Variants in CAMTA1 observed in about 807,000 individuals in gnomAD.
CAMTA1 encodes calmodulin-binding transcription activator 1.
CAMTA1 carries 27 observed loss-of-function variants against 170.9 expected under a neutral mutation model. The ratio of observed to expected loss-of-function variants is 0.16; its 90% CI spans 0.12 to 0.22. The LOEUF (loss-of-function observed/expected upper bound fraction) is 0.22, where lower values mean the gene tolerates loss of function less well. Among genes scored for constraint, CAMTA1 ranks in the 10% least tolerant of loss-of-function variants. CAMTA1 has a pLI of 1.00. For synonymous variants in CAMTA1, 833 were observed against 891.5 expected, an observed-to-expected ratio of 0.93 and a Z score of 1.17; for missense variants, 1,619 against 2,217.2, an observed-to-expected ratio of 0.73 and a Z score of 5.42.
At chr1:7,472,878 T>A (rs1445499232) in intron 6 of CAMTA1, among the ~76,000 whole-genome samples, 1 of 152,150 alleles carries the variant, frequency 6.6e-6, no homozygotes, top group Non-Finnish European at 1.5e-5. Flanking sequence ...CAATGCCAGT[T>A]CACCATGGGG....
chr1:7,197,773 A>G (rs550723679), intron 4 of CAMTA1, among the ~76,000 whole-genome samples: 2 of 152,040 alleles, frequency 1.3e-5, no homozygotes, highest in Admixed American at 1.3e-4. Flanking sequence ...AAAGACTCCG[A>G]GAGGGTGGAA....
intron 4 of CAMTA1, among the ~76,000 whole-genome samples, chr1:7,236,943 T>C (rs893872559): frequency 1.3e-5 from 2 of 152,214 alleles, no homozygotes; most frequent in Non-Finnish European, 2.9e-5. Flanking sequence ...TCAGGAATAG[T>C]GTCCACTCTT....
At chr1:7,488,528 A>G (rs544532867) in intron 6 of CAMTA1, among the ~76,000 whole-genome samples, 8 of 152,164 alleles carry the variant, frequency 5.3e-5, no homozygotes, top group Admixed American at 1.3e-4. Context: ...TGTACACACA[A>G]TACACATGCA....
rs549475408 is a variant in CAMTA1, at chr1:7,665,261, C to T, written c.2652+62C>T. On this transcript the variant is annotated intron_variant, in intron 9 of 22. Coordinates refer to ENST00000303635, the MANE Select transcript of CAMTA1 (RefSeq NM_015215.4). The surrounding 1 kb of genome is among the most constrained non-coding windows in gnomAD (Gnocchi z 4.3). ...CTCCCACCCACCTCGCCAGCCCCTG[C>T]GCCACCCTGCAGCTAAGGGATGCCT... 3.4e-5 allele frequency: 46 copies of T among 1,350,782 alleles called. No individual in the cohort carries two copies. The highest frequency in any genetic ancestry group is 7.6e-5 in the South Asian group (4 of 52,948). 83.7% of individuals were successfully genotyped at this position (1,350,782 alleles called of 1,614,324 possible).
At chr1:6,803,271 G>C (rs1379379887) in intron 1 of CAMTA1, among the ~76,000 whole-genome samples, 1 of 152,216 alleles carries the variant, frequency 6.6e-6, no homozygotes, top group African/African-American at 2.4e-5. Flanking sequence ...TCCTTAGTAA[G>C]AATGGGAGAC....
chr1:7,364,321 G>A (rs892147393), intron 5 of CAMTA1, among the ~76,000 whole-genome samples: 3 of 152,170 alleles, frequency 2.0e-5, no homozygotes, highest in African/African-American at 4.8e-5. Flanking sequence ...CAGTTCTGGA[G>A]GCTGGGAAGT....
rs199737678 is a variant in CAMTA1, at chr1:6,937,150, ATCATCACCG to A, written c.234+111949_234+111957del. 2.4e-3 allele frequency among the ~76,000 whole-genome samples: 360 copies of A among 151,504 alleles called. 5 individuals are homozygous for A. Among genetic ancestry groups the A allele is most frequent in the East Asian group, 9.4e-3 (48 of 5,112 alleles). Reference sequence around the variant, plus strand: ...ATTTACCACCACCATCACCATCACCATCATCACCGTCATCACCACCATAACCATCACTGT... The same window carrying A: ...ATTTACCACCACCATCACCATCACCATCATCACCACCATAACCATCACTGT... On this transcript the variant is annotated intron_variant, in intron 3 of 22. Transcript: ENST00000303635.
At position 7,482,549 on chromosome 1, in the gene CAMTA1, C is replaced by T. The variant is rs1305102009; in HGVS notation, c.510+14648C>T. 6.6e-6 allele frequency among the ~76,000 whole-genome samples: 1 copy of T among 152,212 alleles called. No homozygotes were observed. Among genetic ancestry groups the T allele is most frequent in the African/African-American group, 2.4e-5 (1 of 41,456 alleles). ...ATGCTCTTTAGAGATACAGTTTAAA[C>T]TGGCCTTAGCTTGGGCAGAACTAAA... On this transcript the variant is annotated intron_variant, in intron 6 of 22. Transcript: ENST00000303635. This position sits in a 1 kb window ranked among gnomAD's most constrained non-coding sequence, Gnocchi z 4.2.
intron 3 of CAMTA1, among the ~76,000 whole-genome samples, chr1:7,028,653 A>G (rs1702342622): frequency 6.6e-6 from 1 of 152,164 alleles, no homozygotes; most frequent in South Asian, 2.1e-4. Flanking sequence ...GTCCATTCAC[A>G]TGCCCAACCT....
chr1:6,947,100 T>C (rs1315760020), intron 3 of CAMTA1, among the ~76,000 whole-genome samples: 1 of 152,216 alleles, frequency 6.6e-6, no homozygotes, highest in Non-Finnish European at 1.5e-5. Context: ...CTTGGTATCC[T>C]TTTTGTAAAT....
intron 5 of CAMTA1, among the ~76,000 whole-genome samples, chr1:7,269,104 A>C (rs1669327840): frequency 6.6e-6 from 1 of 152,252 alleles, no homozygotes. Context: ...GAGGGTCAGG[A>C]ATCCAGACAT....
chr1:7,506,986 GAC>G (rs1241509164), intron 6 of CAMTA1, among the ~76,000 whole-genome samples: 1 of 148,880 alleles, frequency 6.7e-6, no homozygotes, highest in Non-Finnish European at 1.5e-5. Flanking sequence ...CTCTGATACT[GAC>G]ACTCAAAATT....
intron 5 of CAMTA1, among the ~76,000 whole-genome samples, chr1:7,423,480 A>G (rs963540073): frequency 6.6e-6 from 1 of 151,632 alleles, no homozygotes; most frequent in African/African-American, 2.4e-5. Flanking sequence ...AAAAAAAAAA[A>G]AAAAAAAAAA....
At chr1:6,898,328 C>T (rs1399087818) in intron 3 of CAMTA1, among the ~76,000 whole-genome samples, 2 of 152,238 alleles carry the variant, frequency 1.3e-5, no homozygotes, top group South Asian at 2.1e-4. Flanking sequence ...CCGAGGCAGG[C>T]AGATCACGAG....
Position 7,341,394 on chromosome 1 carries a change from G to A in CAMTA1, c.438+91768G>A, listed in dbSNP as rs1037809866. ...GCAGCCTGAGAAGAATGAGACACCC[G>A]CCAGGAGGTGGGGCACAGCTGTCAT... On this transcript the variant is annotated intron_variant, in intron 5 of 22. Coordinates refer to ENST00000303635, the MANE Select transcript of CAMTA1 (RefSeq NM_015215.4). Among the ~76,000 whole-genome samples, 18 of 152,260 alleles carry A rather than the reference G, an allele frequency of 1.2e-4. No homozygotes were observed. In the South Asian group the frequency reaches 3.3e-3, roughly 28 times the overall value.
intron 6 of CAMTA1, among the ~76,000 whole-genome samples, chr1:7,533,169 C>T (rs142902097): frequency 5.9e-5 from 9 of 152,272 alleles, no homozygotes; most frequent in African/African-American, 1.4e-4. Flanking sequence ...CCCAGTCAGT[C>T]GGGGGGCACC....
Position 7,580,378 on chromosome 1 carries a change from A to T in CAMTA1, c.511-60022A>T, listed in dbSNP as rs778902134. Among the ~76,000 whole-genome samples, 16 of 151,908 alleles carry T rather than the reference A, an allele frequency of 1.1e-4. No homozygotes were observed. Among genetic ancestry groups the T allele is most frequent in the Non-Finnish European group, 2.1e-4 (14 of 67,960 alleles). ...GTGAATGAGGGGAACCCAGGGAGGAAGGGGCTCAGATGAAGCAGGTCTGGG... is the reference window on the plus strand; with the variant it reads ...GTGAATGAGGGGAACCCAGGGAGGATGGGGCTCAGATGAAGCAGGTCTGGG... On this transcript the variant is annotated intron_variant, in intron 6 of 22. Coordinates refer to ENST00000303635, the MANE Select transcript of CAMTA1 (RefSeq NM_015215.4). This position sits in a 1 kb window ranked among gnomAD's most constrained non-coding sequence, Gnocchi z 4.3.
intron 4 of CAMTA1, among the ~76,000 whole-genome samples, chr1:7,160,464 G>C (rs1047021506): frequency 4.0e-5 from 6 of 151,856 alleles, no homozygotes; most frequent in Admixed American, 2.6e-4. Flanking sequence ...TGGACACTCT[G>C]AGCCCCGTTT....
intron 3 of CAMTA1, among the ~76,000 whole-genome samples, chr1:6,891,450 G>T (rs1004162189): frequency 6.6e-6 from 1 of 152,186 alleles, no homozygotes; most frequent in Non-Finnish European, 1.5e-5. Context: ...AGCTTGCCCT[G>T]TGTCTGTGGT....
Sources: allele counts gnomAD v4.1 joint callset (sites outside exome capture counted in the v4.1 genomes callset), GRCh38; gene constraint gnomAD v4.1.1; non-coding constraint Gnocchi (gnomAD v3.1); transcripts MANE v1.5; gene names NCBI Gene and HGNC (gene_info 2026-07-23, HGNC 2026-07-21).